TRPM2: variants seen among roughly 807,000 people sequenced by gnomAD.
The protein encoded by TRPM2 is estrogen-responsive element-associated gene 1 protein.
In TRPM2, 161 loss-of-function variants were observed where a neutral mutation model predicts 174.0. The observed-to-expected ratio is 0.93, with a 90% CI of 0.81 to 1.05. The LOEUF (loss-of-function observed/expected upper bound fraction) is 1.05. TRPM2 is among the 50% of genes least tolerant of loss of function. TRPM2 has a pLI of 0.00. For missense variants in TRPM2, 2,057 were observed against 2,038.0 expected (o/e 1.01, Z -0.18); for synonymous variants, 954 against 861.3 (o/e 1.11, Z -1.88).
chr21:44,402,393 G>A lies in TRPM2; in HGVS notation c.2538+496G>A, dbSNP rs746490868. ...GGACAGCTCTGAGCCCAGGGCATCC[G>A]GCCAGTCCCTCCCTGTGGAGGTGTG... On this transcript the variant is annotated intron_variant, in intron 16 of 31. Transcript: ENST00000397928. 1.3e-3 allele frequency among the ~76,000 whole-genome samples: 191 copies of A among 152,296 alleles called. 1 individual carries two copies. The highest frequency in any genetic ancestry group is 1.4e-3 in the Non-Finnish European group (94 of 68,012).
Position 44,366,303 on chromosome 21 carries a change from GGAGAGGGGA to G in TRPM2, c.424-450_424-442del, listed in dbSNP as rs1569020104. ...AGGAGAGGGGACAGGAGAGGGGACA[GGAGAGGGGA>G]CAGGAGAGGGGGCAGTGCTGGGTGC... On this transcript the variant is annotated intron_variant, in intron 3 of 31. Transcript: ENST00000397928. The surrounding 1 kb of genome is among the most constrained non-coding windows in gnomAD (Gnocchi z 6.0). Among the ~76,000 whole-genome samples, 1,164 of 151,258 alleles carry G rather than the reference GGAGAGGGGA, an allele frequency of 7.7e-3. 27 individuals carry two copies. The highest frequency in any genetic ancestry group is 0.027 in the African/African-American group (1,089 of 40,912).
chr21:44,442,014 C>A lies in TRPM2; in HGVS notation c.*197C>A. 1 of 804,552 alleles carries A rather than the reference C, an allele frequency of 1.2e-6. No individual in the cohort carries two copies. Among genetic ancestry groups the A allele is most frequent in the Non-Finnish European group, 1.7e-6 (1 of 572,832 alleles). 49.8% of individuals were successfully genotyped at this position (804,552 alleles called of 1,614,324 possible). On this transcript the variant is annotated 3_prime_UTR_variant, in exon 32 of 32. Coordinates refer to ENST00000397928, the MANE Select transcript of TRPM2 (RefSeq NM_003307.4). The stretch of plus-strand genomic sequence containing the variant: ...TGAACTGGAAGGGGTCAAGGTGACC[C>A]GGGAGGAGAGCTCAAGACAGGGCAC...
intron 5 of TRPM2, among the ~76,000 whole-genome samples, chr21:44,375,485 C>T (rs1299706094): frequency 1.3e-5 from 2 of 152,194 alleles, no homozygotes; most frequent in African/African-American, 4.8e-5. Flanking sequence ...AAGTCAGGGT[C>T]ACACGTCTGT....
In TRPM2 at chr21:44,400,386, C is replaced by T. The variant is rs746521584; in HGVS notation, c.2321+15C>T. 2.1e-5 allele frequency: 34 copies of T among 1,602,628 alleles called. No individual in the cohort carries two copies. The highest frequency in any genetic ancestry group is 1.6e-4 in the African/African-American group (12 of 74,510). On this transcript the variant is annotated intron_variant, in intron 15 of 31. Transcript: ENST00000397928. ...ATCTCCTTCAGGTGCTGCAGGGCTG[C>T]GGGGCTGCGGGACTGTGGGGCTGCG...
chr21:44,400,974 G>A (rs1273360922), intron 15 of TRPM2, among the ~76,000 whole-genome samples: 1 of 152,184 alleles, frequency 6.6e-6, no homozygotes, highest in African/African-American at 2.4e-5. Context: ...ACCCCAGCGA[G>A]GTGGCTGAGC....
At position 44,368,221 on chromosome 21, in the gene TRPM2, G is replaced by A. The variant is rs1041038973; in HGVS notation, c.605-956G>A. Reference sequence around the variant, plus strand: ...TGCAGCCTCGACCTCTTGGGCTCAGGTGATACTCCTGCCTCCGCCTCCTGA... The same window carrying A: ...TGCAGCCTCGACCTCTTGGGCTCAGATGATACTCCTGCCTCCGCCTCCTGA... On this transcript the variant is annotated intron_variant, in intron 4 of 31. Coordinates refer to ENST00000397928, the MANE Select transcript of TRPM2 (RefSeq NM_003307.4). 4.6e-5 allele frequency among the ~76,000 whole-genome samples: 7 copies of A among 152,178 alleles called. No individual in the cohort carries two copies. In the South Asian group the frequency reaches 1.5e-3, roughly 32 times the overall value.
rs1284002026 is a variant in TRPM2, at chr21:44,400,322, C to T, written c.2272C>T (p.Leu758=). Residue 758 remains leucine, a synonymous_variant, in exon 15 of 32, where the codon CTG becomes TTG. Coordinates refer to ENST00000397928, the MANE Select transcript of TRPM2 (RefSeq NM_003307.4). ...GGACAATGGGCTGTGGCGTGTGACC[C>T]TGTGCATGCTGGCCTTCCCGCTGCT... ...SVDNGLWRVT[L]CMLAFPLLLT... The T allele has an allele frequency of 1.2e-6, 2 of 1,612,834 alleles. No individual in the cohort carries two copies. Among genetic ancestry groups the T allele is most frequent in the Non-Finnish European group, 1.7e-6 (2 of 1,179,894 alleles).
At chr21:44,364,306 T>C in intron 3 of TRPM2, 24 bp downstream of exon 3, 1 of 1,611,758 alleles carries the variant, frequency 6.2e-7, no homozygotes, top group South Asian at 1.1e-5. Flanking sequence ...ACTCTCGCTC[T>C]GAACTGTAGG....
intron 22 of TRPM2, among the ~76,000 whole-genome samples, chr21:44,419,600 T>TGC (rs2050445707): frequency 3.5e-3 from 3 of 854 alleles, no homozygotes; most frequent in African/African-American, 4.2e-3. Context: ...AGTGGTGATG[T>TGC]TGGTGATGAT....
rs956897075 is a variant in TRPM2 at position 44,391,059 on chromosome 21, A to G, written c.1440+34A>G. ...TCCAGAGCACCCCGTGGAGGGGCCTACTGGGCCCACATGCATTGCACCACT... is the reference window on the plus strand; with the variant it reads ...TCCAGAGCACCCCGTGGAGGGGCCTGCTGGGCCCACATGCATTGCACCACT... On this transcript the variant is annotated intron_variant, in intron 10 of 31. Coordinates refer to ENST00000397928, the MANE Select transcript of TRPM2 (RefSeq NM_003307.4). The surrounding 1 kb of genome is among the most constrained non-coding windows in gnomAD (Gnocchi z 5.0). 4 of 1,612,910 alleles carry G rather than the reference A, an allele frequency of 2.5e-6. No homozygotes were observed. The African/African-American group carries it at 4.0e-5, about 16-fold the overall frequency.
intron 17 of TRPM2, 67 bp downstream of exon 17, chr21:44,405,327 C>G: frequency 1.3e-6 from 2 of 1,594,418 alleles, no homozygotes; most frequent in Non-Finnish European, 1.7e-6. Flanking sequence ...TGAGCACAGG[C>G]CGGGCCCAGA....
chr21:44,400,371 G>C lies in TRPM2; in HGVS notation c.2321G>C (p.Arg774Thr). 6.2e-7 allele frequency: 1 copy of C among 1,610,322 alleles called. No individual in the cohort carries two copies. Residue 774 changes from arginine to threonine, a missense_variant and splice_region_variant, in exon 15 of 32, where the codon AGG becomes ACG. Coordinates refer to ENST00000397928, the MANE Select transcript of TRPM2 (RefSeq NM_003307.4). The part of the protein sequence containing the change: ...PLLLTGLISF[R>T]EKRLQDVGTP... ...CTCCTCACCGGCCTCATCTCCTTCA[G>C]GTGCTGCAGGGCTGCGGGGCTGCGG...
intron 5 of TRPM2, among the ~76,000 whole-genome samples, chr21:44,372,438 C>A (rs1422246693): frequency 1.3e-5 from 2 of 150,052 alleles, no homozygotes; most frequent in African/African-American, 4.9e-5. Context: ...GAGGTTGCAG[C>A]GAGCCAAGGT....
intron 16 of TRPM2, among the ~76,000 whole-genome samples, chr21:44,403,644 T>C (rs1332452327): frequency 2.7e-5 from 4 of 149,362 alleles, no homozygotes; most frequent in Non-Finnish European, 4.4e-5. Context: ...TATACACACA[T>C]GCACACATGC....
intron 3 of TRPM2, 85 bp downstream of exon 3, chr21:44,364,367 C>A: frequency 6.6e-7 from 1 of 1,517,516 alleles, no homozygotes; most frequent in South Asian, 1.2e-5. Context: ...TTTCCTGGGG[C>A]AAGAGCAGGA....
At chr21:44,421,043 G>A (rs2050529461) in intron 22 of TRPM2, among the ~76,000 whole-genome samples, 1 of 152,226 alleles carries the variant, frequency 6.6e-6, no homozygotes, top group Non-Finnish European at 1.5e-5. Context: ...TCCCAGGCCG[G>A]GCGCGGTGGC....
At chr21:44,424,830 T>C in intron 23 of TRPM2, 22 bp from the exon 24 acceptor site, 1 of 1,543,724 alleles carries the variant, frequency 6.5e-7, no homozygotes, top group Non-Finnish European at 8.8e-7. Flanking sequence ...GTGCTCACTG[T>C]GTCTCGGGCC....
chr21:44,365,477 CG>C (rs1007616632), intron 3 of TRPM2, among the ~76,000 whole-genome samples: 1 of 152,204 alleles, frequency 6.6e-6, no homozygotes, highest in African/African-American at 2.4e-5. Context: ...CACCATGACA[CG>C]TGGGTGTTCT....
chr21:44,393,675 A>G (rs1443240566), intron 11 of TRPM2, among the ~76,000 whole-genome samples: 3 of 150,312 alleles, frequency 2.0e-5, no homozygotes, highest in Non-Finnish European at 4.4e-5. Flanking sequence ...TTTTTTTTTT[A>G]ATTGGTAATA....
Sources: allele counts gnomAD v4.1 joint callset (sites outside exome capture counted in the v4.1 genomes callset), GRCh38; gene constraint gnomAD v4.1.1; non-coding constraint Gnocchi (gnomAD v3.1); transcripts MANE v1.5; gene names NCBI Gene and HGNC (gene_info 2026-07-23, HGNC 2026-07-21).